The following CAMTA1 variants were observed in gnomAD, a reference collection of about 807,000 sequenced individuals.
The protein encoded by CAMTA1 is calmodulin binding transcription activator 1.
CAMTA1 carries 27 observed loss-of-function variants against 170.9 expected under a neutral mutation model. The observed-to-expected ratio is 0.16, with a 90% confidence interval of 0.12 to 0.22. The LOEUF is 0.22. Among genes scored for constraint, CAMTA1 ranks in the 10% least tolerant of loss-of-function variants. The pLI is 1.00. For missense variants in CAMTA1, 1,619 were observed against 2,217.2 expected (o/e 0.73, Z 5.42); for synonymous variants, 833 against 891.5 (o/e 0.93, Z 1.17).
rs2085878448 is a variant in CAMTA1, at chr1:7,365,294, CGAATTATCTCTAGAGTTTTATTTCCTA to C, written c.439-102531_439-102505del. Among the ~76,000 whole-genome samples, 4 of 152,330 alleles carry C rather than the reference CGAATTATCTCTAGAGTTTTATTTCCTA, an allele frequency of 2.6e-5. No homozygotes were observed. The South Asian group carries it at 8.3e-4, about 32-fold the overall frequency. On this transcript the variant is annotated intron_variant, in intron 5 of 22. Transcript: ENST00000303635. ...CATTCAGGCATCAGAAAATCACCCT[CGAATTATCTCTAGAGTTTTATTTCCTA>C]GAATCCTGAATAGATCACATTTTAT...
At chr1:7,240,310 TCTC>T (rs1435662153) in intron 4 of CAMTA1, among the ~76,000 whole-genome samples, 1 of 152,164 alleles carries the variant, frequency 6.6e-6, no homozygotes, top group Non-Finnish European at 1.5e-5. Context: ...GTGGCCTAAT[TCTC>T]CTTTTCTTTT....
At position 7,044,597 on chromosome 1, in the gene CAMTA1, G is replaced by A. The variant is rs1705055742; in HGVS notation, c.235-46707G>A. ...GCCTCTAGCGGGCAGATTCTGTGGTGGCGCTGAAACAGGAGACGTCCTCTC... is the reference window on the plus strand; with the variant it reads ...GCCTCTAGCGGGCAGATTCTGTGGTAGCGCTGAAACAGGAGACGTCCTCTC... On this transcript the variant is annotated intron_variant, in intron 3 of 22. Transcript: ENST00000303635. This position sits in a 1 kb window ranked among gnomAD's most constrained non-coding sequence, Gnocchi z 5.0. Among the ~76,000 whole-genome samples the A allele has an allele frequency of 1.3e-5, 2 of 152,302 alleles. No homozygotes were observed.
chr1:7,341,011 C>T (rs555892957), intron 5 of CAMTA1, among the ~76,000 whole-genome samples: 2 of 152,336 alleles, frequency 1.3e-5, no homozygotes, highest in East Asian at 1.9e-4. Context: ...GGGTGCTTTT[C>T]ATGATACAAG....
At chr1:6,883,579 T>G (rs1305554044) in intron 3 of CAMTA1, among the ~76,000 whole-genome samples, 1 of 151,982 alleles carries the variant, frequency 6.6e-6, no homozygotes, top group Non-Finnish European at 1.5e-5. Context: ...ATAGACCATG[T>G]GGTCTAAGCC....
Position 7,680,626 on chromosome 1 carries a change from G to A in CAMTA1, c.2914+2893G>A, listed in dbSNP as rs2149306824. Among the ~76,000 whole-genome samples, 1 of 152,110 alleles carries A rather than the reference G, an allele frequency of 6.6e-6. No homozygotes were observed. Among genetic ancestry groups the A allele is most frequent in the South Asian group, 2.1e-4 (1 of 4,830 alleles). ...CGCCTCCGAGTGCGCCGCACCGTGC[G>A]GCGGGGACCACAGGCCTTCGGTGGG... On this transcript the variant is annotated intron_variant, in intron 11 of 22. Coordinates refer to ENST00000303635, the MANE Select transcript of CAMTA1 (RefSeq NM_015215.4). The surrounding 1 kb of genome is among the most constrained non-coding windows in gnomAD (Gnocchi z 4.4).
At chr1:7,338,704 C>T (rs1239310676) in intron 5 of CAMTA1, among the ~76,000 whole-genome samples, 1 of 152,198 alleles carries the variant, frequency 6.6e-6, no homozygotes, top group African/African-American at 2.4e-5. Flanking sequence ...GATGAAACTA[C>T]AGTGGGGAAG....
intron 5 of CAMTA1, among the ~76,000 whole-genome samples, chr1:7,398,205 A>C (rs1447114060): frequency 0.052 from 3,337 of 64,172 alleles, 62 homozygotes; most frequent in Non-Finnish European, 0.063. Context: ...ATATATATAT[A>C]TATATATATA....
At position 7,674,123 on chromosome 1, in the gene CAMTA1, G is replaced by A. The variant is rs1232710690; in HGVS notation, c.2779+3086G>A. Among the ~76,000 whole-genome samples the A allele has an allele frequency of 2.6e-5, 4 of 152,130 alleles. No homozygotes were observed. Among genetic ancestry groups the A allele is most frequent in the Admixed American group, 6.5e-5 (1 of 15,288 alleles). On this transcript the variant is annotated intron_variant, in intron 10 of 22. Coordinates refer to ENST00000303635, the MANE Select transcript of CAMTA1 (RefSeq NM_015215.4). This position sits in a 1 kb window ranked among gnomAD's most constrained non-coding sequence, Gnocchi z 4.1. ...TATGAGCACAAGCCAGGAACGACAC[G>A]GGAGGAGGGGGCACTGGCAACACAG...
intron 3 of CAMTA1, among the ~76,000 whole-genome samples, chr1:7,025,368 G>A (rs1701885312): frequency 6.6e-6 from 1 of 152,196 alleles, no homozygotes; most frequent in African/African-American, 2.4e-5. Flanking sequence ...TCATCAGGGC[G>A]CACAGGCAAA....
chr1:7,761,880 G>A (rs1363737715), intron 22 of CAMTA1, among the ~76,000 whole-genome samples: 1 of 151,672 alleles, frequency 6.6e-6, no homozygotes, highest in Non-Finnish European at 1.5e-5. Context: ...AGACTAACAA[G>A]CAGCTCATGC....
At chr1:7,560,448 TC>T (rs2094941478) in intron 6 of CAMTA1, among the ~76,000 whole-genome samples, 1 of 152,040 alleles carries the variant, frequency 6.6e-6, no homozygotes, top group Non-Finnish European at 1.5e-5. Context: ...GATGTTTCTG[TC>T]CTCTGGGCCT....
chr1:7,242,453 T>C (rs113590288), intron 4 of CAMTA1, among the ~76,000 whole-genome samples: 2 of 152,310 alleles, frequency 1.3e-5, no homozygotes, highest in African/African-American at 4.8e-5. Flanking sequence ...TTAAGAAAGT[T>C]TTCTCCACTT....
rs377650670 is a variant in CAMTA1 at position 7,150,056 on chromosome 1, C to T, written c.302+58685C>T. On this transcript the variant is annotated intron_variant, in intron 4 of 22. Coordinates refer to ENST00000303635, the MANE Select transcript of CAMTA1 (RefSeq NM_015215.4). ...TTCAACTCCAACAGGGAGCAGCAGC[C>T]GCTGCTGTTCGGTCGCCCAGCGGCC... Among the ~76,000 whole-genome samples the T allele has an allele frequency of 4.6e-5, 7 of 152,280 alleles. No homozygotes were observed. The East Asian group carries it at 5.8e-4, about 13-fold the overall frequency.
chr1:7,497,301 C>T (rs1214463788), intron 6 of CAMTA1, among the ~76,000 whole-genome samples: 1 of 152,164 alleles, frequency 6.6e-6, no homozygotes, highest in Admixed American at 6.5e-5. Context: ...CCAGCCACCT[C>T]CCCCATGTCA....
chr1:7,446,795 C>T (rs1575379271), intron 5 of CAMTA1, among the ~76,000 whole-genome samples: 3 of 152,324 alleles, frequency 2.0e-5, no homozygotes, highest in Middle Eastern at 6.8e-3. Flanking sequence ...ACATCCCTTC[C>T]CCGGGGCTGT....
chr1:7,062,066 C>T (rs546706256), intron 3 of CAMTA1, among the ~76,000 whole-genome samples: 3 of 151,962 alleles, frequency 2.0e-5, no homozygotes, highest in Non-Finnish European at 2.9e-5. Context: ...TATAGGCGCC[C>T]GCCACCACGC....
At chr1:6,932,027 C>A (rs1684505736) in intron 3 of CAMTA1, among the ~76,000 whole-genome samples, 1 of 152,196 alleles carries the variant, frequency 6.6e-6, no homozygotes. Flanking sequence ...TTTCTGAAAA[C>A]AGCTTTATTG....
At position 7,576,542 on chromosome 1, in the gene CAMTA1, C is replaced by T. The variant is rs149392098; in HGVS notation, c.511-63858C>T. 2.6e-5 allele frequency among the ~76,000 whole-genome samples: 4 copies of T among 152,290 alleles called. No individual in the cohort carries two copies. In the East Asian group the frequency reaches 7.7e-4, roughly 29 times the overall value. On this transcript the variant is annotated intron_variant, in intron 6 of 22. Transcript: ENST00000303635. ...CAAGCAAGAAGGCACTGTCTAGGAA[C>T]CAGGAAGGGGCCTCACCAGACACTG...
At chr1:7,392,558 A>G (rs1045816730) in intron 5 of CAMTA1, among the ~76,000 whole-genome samples, 54 of 144,066 alleles carry the variant, frequency 3.7e-4, no homozygotes, top group African/African-American at 1.3e-3. Context: ...CCCGGCCAAG[A>G]CCCCCATCTT....
Sources: allele counts gnomAD v4.1 joint callset (sites outside exome capture counted in the v4.1 genomes callset), GRCh38; gene constraint gnomAD v4.1.1; non-coding constraint Gnocchi (gnomAD v3.1); transcripts MANE v1.5; gene names NCBI Gene and HGNC (gene_info 2026-07-23, HGNC 2026-07-21).